The following EML4 variants were observed in gnomAD, a reference collection of about 807,000 sequenced individuals.
EML4 encodes echinoderm microtubule-associated protein-like 4.
EML4 carries 72 observed loss-of-function variants against 129.0 expected under a neutral mutation model. The observed-to-expected ratio is 0.56, with a 90% CI of 0.46 to 0.68. The LOEUF (loss-of-function observed/expected upper bound fraction) is 0.68, where lower values mean the gene tolerates loss of function less well. Among genes scored for constraint, EML4 ranks in the 30% least tolerant of loss-of-function variants. The pLI, the probability that EML4 is intolerant of heterozygous loss-of-function variation, is 0.00. For missense variants in EML4, 1,363 were observed against 1,190.6 expected (o/e 1.14, Z -2.13); for synonymous variants, 532 against 405.0 (o/e 1.31, Z -3.77).
chr2:42,255,746 T>G (rs1558545102), intron 2 of EML4, among the ~76,000 whole-genome samples: 1 of 152,232 alleles, frequency 6.6e-6, no homozygotes, highest in Non-Finnish European at 1.5e-5. Flanking sequence ...CGAATCTATA[T>G]TAAGGAAGCA....
At chr2:42,198,732 AG>A (rs1442792105) in intron 1 of EML4, among the ~76,000 whole-genome samples, 2 of 152,044 alleles carry the variant, frequency 1.3e-5, no homozygotes, top group Non-Finnish European at 2.9e-5. Context: ...ATAGTTATTG[AG>A]GCAATGGGAG....
chr2:42,281,007 G>C, intron 7 of EML4, 34 bp downstream of exon 7: 1 of 1,520,956 alleles, frequency 6.6e-7, no homozygotes. Flanking sequence ...AAATTCATTT[G>C]CTTTGTCTCT....
In EML4 at chr2:42,176,949, A is replaced by G. The variant is rs191346996; in HGVS notation, c.25+7313A>G. On this transcript the variant is annotated intron_variant, in intron 1 of 22. Transcript: ENST00000318522. The stretch of plus-strand genomic sequence containing the variant: ...GGTGGTGTTACAGGTGTATGCCACC[A>G]CACCCAGCTAATTTTTGTATTTTTA... Among the ~76,000 whole-genome samples the G allele has an allele frequency of 3.3e-3, 504 of 152,200 alleles. 3 individuals carry two copies. The highest frequency in any genetic ancestry group is 5.8e-3 in the South Asian group (28 of 4,816).
rs778478412 is a variant in EML4, at chr2:42,329,914, C to T, written c.2653C>T (p.Pro885Ser). ...TVADTTLTKA[P>S]VSSTESVIQS... ...AGCGGATACTACTCTAACCAAAGCC[C>T]CCGTCTCTTCCACTGAAAGTGTCAT... The change falls in exon 23 of 23, where the codon CCC (proline) becomes TCC (serine). Residue 885 changes from proline to serine, a missense_variant. Pro to Ser is a moderately conservative substitution (Grantham distance 74). Transcript: ENST00000318522. 3 of 1,613,968 alleles carry T rather than the reference C, an allele frequency of 1.9e-6. No individual in the cohort carries two copies. The highest frequency in any genetic ancestry group is 2.2e-5 in the East Asian group (1 of 44,884).
chr2:42,327,363 GAGT>G (rs1669863274), intron 21 of EML4, among the ~76,000 whole-genome samples: 1 of 152,148 alleles, frequency 6.6e-6, no homozygotes, highest in African/African-American at 2.4e-5. Context: ...ATTTACCTAG[GAGT>G]AGAATTGCTG....
At chr2:42,192,517 G>C (rs990107675) in intron 1 of EML4, among the ~76,000 whole-genome samples, 1 of 152,086 alleles carries the variant, frequency 6.6e-6, no homozygotes, top group Admixed American at 6.6e-5. Flanking sequence ...TGGGATTACA[G>C]GCATCAGCCA....
chr2:42,207,609 A>C (rs998936355), intron 1 of EML4, among the ~76,000 whole-genome samples: 1 of 152,222 alleles, frequency 6.6e-6, no homozygotes, highest in Non-Finnish European at 1.5e-5. Context: ...TTTAGTTAAC[A>C]GGCAACTTAT....
intron 17 of EML4, among the ~76,000 whole-genome samples, chr2:42,312,853 T>C (rs1669037288): frequency 7.0e-6 from 1 of 143,422 alleles, no homozygotes. Flanking sequence ...GCGCCTGGCC[T>C]GCCTGTCAGA....
chr2:42,309,432 A>C (rs1243026013), intron 17 of EML4, among the ~76,000 whole-genome samples: 1 of 73,860 alleles, frequency 1.4e-5, no homozygotes, highest in Non-Finnish European at 3.4e-5. Context: ...CAACCACCAC[A>C]AAAAAAAAAA....
intron 1 of EML4, among the ~76,000 whole-genome samples, chr2:42,174,587 C>T (rs186232121): frequency 1.3e-5 from 2 of 152,276 alleles, no homozygotes; most frequent in Admixed American, 1.3e-4. Context: ...GCCACTGTGC[C>T]TGACCCTGTA....
intron 1 of EML4, among the ~76,000 whole-genome samples, chr2:42,211,501 C>T (rs779584155): frequency 3.9e-5 from 6 of 152,132 alleles, no homozygotes; most frequent in African/African-American, 9.7e-5. Context: ...CTGGAGTAGT[C>T]GGAAATTGTC....
intron 1 of EML4, among the ~76,000 whole-genome samples, chr2:42,229,689 T>C (rs1288128857): frequency 6.6e-6 from 1 of 152,124 alleles, no homozygotes; most frequent in Non-Finnish European, 1.5e-5. Flanking sequence ...ATAAAAGCAT[T>C]TAGCTCATTT....
At chr2:42,224,590 T>C (rs1673829870) in intron 1 of EML4, among the ~76,000 whole-genome samples, 1 of 152,102 alleles carries the variant, frequency 6.6e-6, no homozygotes. Flanking sequence ...TGCTGGATTA[T>C]ATGGTGCCTC....
chr2:42,173,660 G>A (rs149699223), intron 1 of EML4, among the ~76,000 whole-genome samples: 1 of 152,042 alleles, frequency 6.6e-6, no homozygotes, highest in Non-Finnish European at 1.5e-5. Context: ...ACCAGCCTGG[G>A]CAACATAGCA....
chr2:42,258,464 A>C (rs1426382256), intron 3 of EML4, among the ~76,000 whole-genome samples: 1 of 151,964 alleles, frequency 6.6e-6, no homozygotes, highest in East Asian at 1.9e-4. Context: ...GCAATGGCGC[A>C]ATCTCGGCTC....
At chr2:42,289,073 G>T (rs1558578448) in intron 11 of EML4, 1 of 152,182 alleles carries the variant, frequency 6.6e-6, no homozygotes, top group South Asian at 2.1e-4. Flanking sequence ...TTGTTGGGCA[G>T]AAAGATGATG....
intron 2 of EML4, among the ~76,000 whole-genome samples, chr2:42,254,758 A>T (rs562294411): frequency 2.8e-4 from 43 of 152,328 alleles, no homozygotes; most frequent in South Asian, 6.2e-4. Flanking sequence ...ACATACAACA[A>T]CCGTGACTCA....
intron 19 of EML4, chr2:42,325,114 A>G (rs1669716075): frequency 2.1e-6 from 1 of 465,174 alleles, no homozygotes; most frequent in Non-Finnish European, 4.4e-6. Context: ...CTTCATTCTC[A>G]AAAATGGAGT....
intron 1 of EML4, among the ~76,000 whole-genome samples, chr2:42,243,301 A>G (rs943381838): frequency 6.6e-6 from 1 of 152,230 alleles, no homozygotes; most frequent in Non-Finnish European, 1.5e-5. Context: ...ACCATAGTCT[A>G]ACATACTTAC....
Sources: allele counts gnomAD v4.1 joint callset (sites outside exome capture counted in the v4.1 genomes callset), GRCh38; gene constraint gnomAD v4.1.1; transcripts MANE v1.5; gene names NCBI Gene and HGNC (gene_info 2026-07-23, HGNC 2026-07-21).